PARD3B: variants seen among roughly 807,000 people sequenced by gnomAD.
PARD3B encodes the protein par-3 family cell polarity regulator beta.
A neutral mutation model predicts 130.2 loss-of-function variants in PARD3B; 103 were observed. The ratio of observed to expected loss-of-function variants is 0.79; its 90% CI spans 0.67 to 0.93. PARD3B has a LOEUF of 0.93. PARD3B is among the 40% of genes least tolerant of loss of function. PARD3B has a pLI of 0.00. For missense variants in PARD3B, 1,609 were observed against 1,499.2 expected (o/e 1.07, Z -1.21); for synonymous variants, 583 against 553.2 (o/e 1.05, Z -0.76).
intron 2 of PARD3B, among the ~76,000 whole-genome samples, chr2:204,865,621 C>T (rs890226643): frequency 1.7e-4 from 26 of 151,972 alleles, no homozygotes; most frequent in African/African-American, 5.3e-4. Flanking sequence ...CAATGGACTT[C>T]GGGGACTCGG....
At chr2:205,132,353 C>T (rs2032079783) in intron 10 of PARD3B, among the ~76,000 whole-genome samples, 1 of 151,984 alleles carries the variant, frequency 6.6e-6, no homozygotes, top group Non-Finnish European at 1.5e-5. Context: ...TTTTTATTAT[C>T]CTAGAGTTTT....
intron 2 of PARD3B, among the ~76,000 whole-genome samples, chr2:204,895,581 C>T (rs558986292): frequency 6.6e-6 from 1 of 152,062 alleles, no homozygotes; most frequent in East Asian, 1.9e-4. Flanking sequence ...ATTATTGTTG[C>T]ATTAAATTGT....
intron 14 of PARD3B, among the ~76,000 whole-genome samples, chr2:205,190,404 G>A (rs2036330754): frequency 6.6e-6 from 1 of 152,160 alleles, no homozygotes; most frequent in African/African-American, 2.4e-5. Context: ...TTTGATTAAG[G>A]ATTTAGTTTT....
intron 2 of PARD3B, among the ~76,000 whole-genome samples, chr2:204,866,612 A>T (rs1379996388): frequency 6.6e-6 from 1 of 151,906 alleles, no homozygotes; most frequent in Non-Finnish European, 1.5e-5. Flanking sequence ...ATTAACAGTG[A>T]TGATTGTAGA....
chr2:204,867,116 AAC>A (rs1465332179), intron 2 of PARD3B, among the ~76,000 whole-genome samples: 3 of 152,172 alleles, frequency 2.0e-5, no homozygotes, highest in African/African-American at 4.8e-5. Context: ...TCCTTATCAA[AAC>A]AGTGCTTTCC....
At chr2:205,506,282 G>A (rs961785253) in intron 21 of PARD3B, among the ~76,000 whole-genome samples, 2 of 152,152 alleles carry the variant, frequency 1.3e-5, no homozygotes, top group African/African-American at 2.4e-5. Context: ...GCAGTGAGCT[G>A]AGATCGCACC....
chr2:204,628,922 A>C (rs758018181), intron 1 of PARD3B, among the ~76,000 whole-genome samples: 1 of 152,204 alleles, frequency 6.6e-6, no homozygotes, highest in African/African-American at 2.4e-5. Flanking sequence ...CAAACATTCT[A>C]TAGAGTATGG....
intron 1 of PARD3B, chr2:204,558,055 T>C (rs932168875): frequency 6.6e-6 from 1 of 152,188 alleles, no homozygotes; most frequent in East Asian, 1.9e-4. Flanking sequence ...AGCTACTAAA[T>C]TGAGCCTGCC....
intron 2 of PARD3B, among the ~76,000 whole-genome samples, chr2:204,786,607 A>G (rs2042018141): frequency 6.6e-6 from 1 of 151,840 alleles, no homozygotes; most frequent in South Asian, 2.1e-4. Flanking sequence ...TCATCTGGCT[A>G]ATAAGTTTTT....
rs945357106 is a variant in PARD3B, at chr2:205,265,273, C to T, written c.2185+19451C>T. 5.3e-5 allele frequency among the ~76,000 whole-genome samples: 8 copies of T among 151,966 alleles called. No individual in the cohort carries two copies. Among genetic ancestry groups the T allele is most frequent in the Admixed American group, 4.6e-4 (7 of 15,236 alleles). On this transcript the variant is annotated intron_variant, in intron 16 of 22. Transcript: ENST00000406610. The surrounding 1 kb of genome is among the most constrained non-coding windows in gnomAD (Gnocchi z 4.3). ...AATAAGCACAAAATGTCTATACACA[C>T]GAGCCTTCAGGGAAGATTGGGGTGA...
chr2:205,464,540 G>A (rs148058298), intron 20 of PARD3B, among the ~76,000 whole-genome samples: 8 of 152,184 alleles, frequency 5.3e-5, no homozygotes, highest in Admixed American at 2.0e-4. Context: ...TTGGGTGCAG[G>A]GTAGTCAGAA....
At chr2:205,140,382 A>ATATAAT (rs1399903597) in intron 10 of PARD3B, among the ~76,000 whole-genome samples, 18 of 151,344 alleles carry the variant, frequency 1.2e-4, no homozygotes, top group Admixed American at 9.2e-4. Context: ...GGTTTAATTG[A>ATATAAT]AAGTGTGGTC....
intron 21 of PARD3B, among the ~76,000 whole-genome samples, chr2:205,510,067 G>C (rs1189627850): frequency 6.6e-6 from 1 of 152,162 alleles, no homozygotes; most frequent in East Asian, 1.9e-4. Flanking sequence ...TTTTAGCACA[G>C]GAGACTCTGA....
At chr2:205,344,979 A>G (rs1415288643) in intron 18 of PARD3B, among the ~76,000 whole-genome samples, 1 of 152,166 alleles carries the variant, frequency 6.6e-6, no homozygotes, top group African/African-American at 2.4e-5. Flanking sequence ...AAAAAGAACA[A>G]TTTTAATGTA....
At chr2:205,615,378 A>C (rs539155976) in intron 22 of PARD3B, 78 bp from the exon 23 acceptor site, 3 of 1,262,464 alleles carry the variant, frequency 2.4e-6, no homozygotes, top group Admixed American at 2.1e-5. Flanking sequence ...CAAACTGCAC[A>C]GGAGGCTGAG....
At chr2:205,393,346 A>G (rs2045922414) in intron 18 of PARD3B, among the ~76,000 whole-genome samples, 2 of 152,216 alleles carry the variant, frequency 1.3e-5, no homozygotes, top group African/African-American at 4.8e-5. Flanking sequence ...TTTGTAAGTC[A>G]GCTAGTTACA....
At chr2:204,559,949 A>G (rs567688927) in intron 1 of PARD3B, among the ~76,000 whole-genome samples, 145 of 152,230 alleles carry the variant, frequency 9.5e-4, no homozygotes, top group Non-Finnish European at 1.7e-3. Flanking sequence ...CAGAAAACCA[A>G]ACACTCCAGG....
chr2:205,215,216 C>T (rs992411830), intron 15 of PARD3B, among the ~76,000 whole-genome samples: 1 of 150,402 alleles, frequency 6.6e-6, no homozygotes, highest in Admixed American at 6.6e-5. Flanking sequence ...AAGATATTTA[C>T]TATGGATAAT....
chr2:204,550,872 AT>A (rs916488971), intron 1 of PARD3B, among the ~76,000 whole-genome samples: 8 of 152,146 alleles, frequency 5.3e-5, no homozygotes, highest in Non-Finnish European at 1.2e-4. Flanking sequence ...GAACTCTTGA[AT>A]TTCTAAACTT....
Sources: gnomAD v4.1 joint callset for allele counts (sites outside exome capture counted in the v4.1 genomes callset) on GRCh38, gnomAD v4.1.1 for gene constraint, Gnocchi (gnomAD v3.1) non-coding constraint, MANE v1.5 for transcripts, NCBI Gene and HGNC (gene_info 2026-07-23, HGNC 2026-07-21) for gene names.